Variants in POLA1 observed in about 807,000 individuals in gnomAD.
The protein encoded by POLA1 is DNA polymerase alpha 1, catalytic subunit, also known as DNA polymerase alpha catalytic subunit.
Under a neutral mutation model 124.0 loss-of-function variants are expected in POLA1, and 15 were observed. That is an observed-to-expected ratio of 0.12 (90% CI 0.08 to 0.19). The LOEUF (loss-of-function observed/expected upper bound fraction) is 0.19, where lower values mean the gene tolerates loss of function less well. POLA1 is among the 10% of genes least tolerant of loss of function. POLA1 has a pLI of 1.00. For missense variants in POLA1, 886 were observed against 1,103.4 expected, an observed-to-expected ratio of 0.80 and a Z score of 2.79; for synonymous variants, 408 against 389.4, an observed-to-expected ratio of 1.05 and a Z score of -0.56.
At chrX:24,701,408 G>C (rs996896910) in intron 2 of POLA1, among the ~76,000 whole-genome samples, 1 of 108,660 alleles carries the variant, frequency 9.2e-6, no homozygotes, top group East Asian at 2.9e-4. Flanking sequence ...TGTTTCTCCC[G>C]TACTCCATTT....
chrX:24,909,053 A>G (rs1163322124), intron 35 of POLA1, among the ~76,000 whole-genome samples: 2 of 112,175 alleles, frequency 1.8e-5, no homozygotes, highest in Non-Finnish European at 3.8e-5. Flanking sequence ...TTGTCTGTTC[A>G]TATCCTCCGC....
At chrX:24,762,263 T>TA (rs765568362) in intron 26 of POLA1, among the ~76,000 whole-genome samples, 1 of 111,984 alleles carries the variant, frequency 8.9e-6, no homozygotes, top group East Asian at 2.8e-4. Context: ...GTGCTGCTGT[T>TA]AGGGAGACAG....
At chrX:24,765,334 A>G (rs1932878363) in intron 26 of POLA1, among the ~76,000 whole-genome samples, 1 of 92,447 alleles carries the variant, frequency 1.1e-5, no homozygotes, top group Admixed American at 1.3e-4. Flanking sequence ...GTCTTGCTCT[A>G]TTGCCCAGGC....
intron 36 of POLA1, among the ~76,000 whole-genome samples, chrX:24,938,594 T>G (rs73471561): frequency 0.06 from 6,688 of 112,226 alleles, 477 homozygotes; most frequent in African/African-American, 0.21. Context: ...GAAACAAGAT[T>G]CTATTTCTTA....
intron 26 of POLA1, among the ~76,000 whole-genome samples, chrX:24,760,000 G>C (rs1363331155): frequency 2.7e-5 from 3 of 112,376 alleles, no homozygotes; most frequent in Non-Finnish European, 5.6e-5. Context: ...AGTGAACCAA[G>C]ATGACAGAGC....
At chrX:24,924,121 G>T (rs2047658698) in intron 35 of POLA1, among the ~76,000 whole-genome samples, 1 of 111,831 alleles carries the variant, frequency 8.9e-6, no homozygotes, top group Non-Finnish European at 1.9e-5. Context: ...CCTGTGGCTG[G>T]CATGGCATTG....
chrX:24,975,014 CTTTG>C (rs753707070), intron 36 of POLA1, among the ~76,000 whole-genome samples: 37 of 111,833 alleles, frequency 3.3e-4, no homozygotes, highest in African/African-American at 8.4e-4. Flanking sequence ...TGGGTGGCTA[CTTTG>C]TTTGTTTGTT....
intron 34 of POLA1, among the ~76,000 whole-genome samples, chrX:24,859,060 T>G (rs2046683721): frequency 9.0e-6 from 1 of 111,293 alleles, no homozygotes; most frequent in Non-Finnish European, 1.9e-5. Flanking sequence ...TATCGTGGTG[T>G]TGTATTATAT....
chrX:24,838,033 C>G (rs1449180931), intron 32 of POLA1, among the ~76,000 whole-genome samples: 2 of 111,673 alleles, frequency 1.8e-5, no homozygotes, highest in Non-Finnish European at 3.8e-5. Context: ...GGTGAACATT[C>G]TAAAAACAGG....
At position 24,799,088 on chromosome X, in the gene POLA1, A is replaced by G. The variant is rs141820950; in HGVS notation, c.2965-10810A>G. On this transcript the variant is annotated intron_variant, in intron 26 of 36. Coordinates refer to ENST00000379068, the MANE Select transcript of POLA1 (RefSeq NM_001330360.2). ...AATTTAGTATTTAGCTCTGGTACTGAGCAAGGGAATTACCCTCTGAGGTAT... is the reference window on the plus strand; with the variant it reads ...AATTTAGTATTTAGCTCTGGTACTGGGCAAGGGAATTACCCTCTGAGGTAT... 1.9e-3 allele frequency among the ~76,000 whole-genome samples: 218 copies of G among 112,245 alleles called. 3 individuals are homozygous for G. Among genetic ancestry groups the G allele is most frequent in the African/African-American group, 6.7e-3 (206 of 30,912 alleles).
At chrX:24,786,703 T>C (rs949139884) in intron 26 of POLA1, among the ~76,000 whole-genome samples, 2 of 91,380 alleles carry the variant, frequency 2.2e-5, no homozygotes, top group African/African-American at 8.1e-5. Flanking sequence ...TTTTTTTTTT[T>C]TTTTTGAGAC....
chrX:24,939,238 G>C (rs2047886110), intron 36 of POLA1, among the ~76,000 whole-genome samples: 1 of 112,105 alleles, frequency 8.9e-6, no homozygotes, highest in South Asian at 3.7e-4. Flanking sequence ...AAATACTAAA[G>C]ATTGATAAGT....
At chrX:24,837,489 A>G (rs2046356397) in intron 32 of POLA1, among the ~76,000 whole-genome samples, 2 of 112,161 alleles carry the variant, frequency 1.8e-5, no homozygotes, top group Non-Finnish European at 1.9e-5. Context: ...ATACCAGTTA[A>G]TCCATTCACT....
rs756652330 is a variant in POLA1, at chrX:24,863,265, C to G, written c.4047+19588C>G. Among the ~76,000 whole-genome samples, 18 of 107,971 alleles carry G rather than the reference C, an allele frequency of 1.7e-4. No homozygotes were observed. The South Asian group carries it at 6.3e-3, about 38-fold the overall frequency. 93.8% of individuals were successfully genotyped at this position (107,971 alleles called of 115,157 possible). ...CATTGAAGGGAAGAGTATGCCCCCC[C>G]CCATCTTCCACCCTCTTTTCAAACC... On this transcript the variant is annotated intron_variant, in intron 34 of 36. Coordinates refer to ENST00000379068, the MANE Select transcript of POLA1 (RefSeq NM_001330360.2).
chrX:24,713,666 C>T (rs1283809974), intron 4 of POLA1, among the ~76,000 whole-genome samples: 1 of 111,888 alleles, frequency 8.9e-6, no homozygotes, highest in African/African-American at 3.3e-5. Flanking sequence ...CCGCCCGCCT[C>T]GGTCTTTTAA....
At chrX:24,729,383 C>T (rs1388844877) in intron 15 of POLA1, among the ~76,000 whole-genome samples, 3 of 111,883 alleles carry the variant, frequency 2.7e-5, no homozygotes, top group Admixed American at 9.5e-5. Flanking sequence ...TATAAAATTA[C>T]CCCCAGTTGA....
At chrX:24,904,181 C>T (rs1053527892) in intron 35 of POLA1, among the ~76,000 whole-genome samples, 1 of 109,902 alleles carries the variant, frequency 9.1e-6, no homozygotes, top group African/African-American at 3.3e-5. Context: ...CTCAAGCACA[C>T]CCCGACCTCC....
chrX:24,722,977 G>A (rs1016323773), intron 10 of POLA1, among the ~76,000 whole-genome samples, 178 bp from the exon 11 acceptor site: 2 of 112,480 alleles, frequency 1.8e-5, no homozygotes, highest in African/African-American at 6.5e-5. Flanking sequence ...GTGTAGTATG[G>A]CATCAGTACT....
chrX:24,780,160 T>C lies in POLA1; in HGVS notation c.2965-29738T>C, dbSNP rs11573398. ...GTTCGGCCTGTAGTTTTCTTTTTCT[T>C]TTCATATCTTTGATTAGCTTTGGTA... is the stretch of plus-strand genomic sequence containing the variant. On this transcript the variant is annotated intron_variant, in intron 26 of 36. Transcript: ENST00000379068. Among the ~76,000 whole-genome samples the C allele has an allele frequency of 6.1e-4, 68 of 112,347 alleles. No individual in the cohort carries two copies. The South Asian group carries it at 0.025, about 41-fold the overall frequency.
Sources: gnomAD v4.1 joint callset for allele counts (sites outside exome capture counted in the v4.1 genomes callset) on GRCh38, gnomAD v4.1.1 for gene constraint, MANE v1.5 for transcripts, NCBI Gene and HGNC (gene_info 2026-07-23, HGNC 2026-07-21) for gene names.